Variants in NAV2 observed in about 807,000 individuals in gnomAD.
NAV2 encodes the protein neuron navigator 2.
Under a neutral mutation model 223.2 loss-of-function variants are expected in NAV2, and 54 were observed. The ratio of observed to expected loss-of-function variants is 0.24; its 90% CI spans 0.19 to 0.30. NAV2 has a LOEUF of 0.30. NAV2 is among the 10% of genes least tolerant of loss of function. NAV2 has a pLI of 1.00. For missense variants in NAV2, 2,806 were observed against 3,147.5 expected (o/e 0.89, Z 2.60); for synonymous variants, 1,279 against 1,239.3 (o/e 1.03, Z -0.67).
chr11:19,700,594 G>A (rs2049483575), intron 1 of NAV2, among the ~76,000 whole-genome samples: 1 of 152,216 alleles, frequency 6.6e-6, no homozygotes, highest in Admixed American at 6.5e-5. Flanking sequence ...ACAGAGAAGT[G>A]TGGGGTTGGG....
intron 1 of NAV2, among the ~76,000 whole-genome samples, chr11:19,736,374 G>A (rs943438855): frequency 3.3e-5 from 5 of 152,162 alleles, no homozygotes; most frequent in Non-Finnish European, 4.4e-5. Context: ...CAGGACTGGT[G>A]GGCCAGACAC....
intron 1 of NAV2, among the ~76,000 whole-genome samples, chr11:19,566,773 C>T (rs2045282428): frequency 6.6e-6 from 1 of 152,200 alleles, no homozygotes; most frequent in African/African-American, 2.4e-5. Context: ...CTTACATATG[C>T]TCTGTCCAGC....
intron 1 of NAV2, among the ~76,000 whole-genome samples, chr11:19,781,744 C>A (rs1400292179): frequency 7.0e-6 from 1 of 142,066 alleles, no homozygotes; most frequent in African/African-American, 2.7e-5. Context: ...GTTTAAAAGA[C>A]AAATGCTCCT....
chr11:19,635,919 G>A (rs968112138), intron 1 of NAV2, among the ~76,000 whole-genome samples: 1 of 152,196 alleles, frequency 6.6e-6, no homozygotes, highest in African/African-American at 2.4e-5. Context: ...GGAAGGAAGA[G>A]GGGGGTGTTA....
intron 11 of NAV2, among the ~76,000 whole-genome samples, chr11:20,023,699 G>GGTGGGT (rs1554902315): frequency 1.7e-3 from 250 of 144,676 alleles, no homozygotes; most frequent in African/African-American, 6.2e-3. Context: ...CAAATTGCTG[G>GGTGGGT]GTGTGTGTGT....
intron 3 of NAV2, among the ~76,000 whole-genome samples, chr11:19,849,628 C>G (rs924352379): frequency 2.6e-5 from 4 of 152,214 alleles, no homozygotes; most frequent in African/African-American, 9.6e-5. Context: ...CGGCCACATG[C>G]CTGGGGAGTG....
intron 1 of NAV2, among the ~76,000 whole-genome samples, chr11:19,368,964 CTCTT>C (rs1438905924): frequency 3.3e-5 from 5 of 152,198 alleles, no homozygotes; most frequent in African/African-American, 9.7e-5. Context: ...CACACCATAA[CTCTT>C]TCTTTCTCCA....
chr11:19,584,026 T>C (rs1205813466), intron 1 of NAV2, among the ~76,000 whole-genome samples: 1 of 152,222 alleles, frequency 6.6e-6, no homozygotes, highest in Non-Finnish European at 1.5e-5. Flanking sequence ...TTTTGGTTGG[T>C]AAGCTAGTAA....
chr11:19,907,538 A>G (rs757118462), intron 6 of NAV2, among the ~76,000 whole-genome samples: 3 of 151,962 alleles, frequency 2.0e-5, no homozygotes, highest in Non-Finnish European at 4.4e-5. Flanking sequence ...GGGAGGGGGA[A>G]TTTGAGACAG....
At position 19,686,850 on chromosome 11, in the gene NAV2, G is replaced by C. The variant is rs149877716; in HGVS notation, c.76-145634G>C. ...TCAATTATAACATTTAGTCTTTAAT[G>C]GATACTTCTTAGTTTTTGCCAGGCC... On this transcript the variant is annotated intron_variant, in intron 1 of 37. Transcript: ENST00000360655. Among the ~76,000 whole-genome samples the C allele has an allele frequency of 4.0e-3, 602 of 152,286 alleles. 2 individuals are homozygous for C. The highest frequency in any genetic ancestry group is 6.1e-3 in the Non-Finnish European group (414 of 68,018).
intron 11 of NAV2, among the ~76,000 whole-genome samples, chr11:20,018,599 A>C (rs1459055108): frequency 6.6e-6 from 1 of 152,172 alleles, no homozygotes; most frequent in Non-Finnish European, 1.5e-5. Context: ...GACTGCATGG[A>C]ATAATCAGTT....
rs1234007334 is a variant in NAV2 at position 20,080,358 on chromosome 11, G to GT, written c.5325+154dup. 3 of 691,372 alleles carry GT rather than the reference G, an allele frequency of 4.3e-6. No homozygotes were observed. In the African/African-American group the frequency reaches 5.4e-5, roughly 12 times the overall value. 42.8% of individuals were successfully genotyped at this position (691,372 alleles called of 1,614,324 possible). ...ATCCCAGGAAATGGTTTGTGGATGG[G>GT]TTTTTACTAAAATCAATATTGTACT... is the stretch of plus-strand genomic sequence containing the variant. On this transcript the variant is annotated intron_variant, in intron 25 of 37. Coordinates refer to ENST00000349880, the MANE Select transcript of NAV2 (RefSeq NM_145117.5).
At chr11:19,968,911 C>T (rs2048993029) in intron 10 of NAV2, among the ~76,000 whole-genome samples, 1 of 152,134 alleles carries the variant, frequency 6.6e-6, no homozygotes, top group African/African-American at 2.4e-5. Flanking sequence ...CACCCTGTTC[C>T]CAACCGCCTT....
At chr11:19,910,392 G>C (rs1479021739) in intron 6 of NAV2, among the ~76,000 whole-genome samples, 1 of 152,166 alleles carries the variant, frequency 6.6e-6, no homozygotes, top group African/African-American at 2.4e-5. Context: ...TCAGAGTCAT[G>C]GAAATTCAGA....
rs891926590 is a variant in NAV2 at position 19,884,396 on chromosome 11, T to G, written c.770+4269T>G. ...TTCTCTGTGTCCTGCAAAGCATGGTTTAATCCCAACCCACTGTTCCATTGT... is the reference window on the plus strand; with the variant it reads ...TTCTCTGTGTCCTGCAAAGCATGGTGTAATCCCAACCCACTGTTCCATTGT... On this transcript the variant is annotated intron_variant, in intron 5 of 37. Transcript: ENST00000349880. The G allele has an allele frequency of 2.6e-6, 4 of 1,563,664 alleles. 1 individual carries two copies. Among genetic ancestry groups the G allele is most frequent in the Non-Finnish European group, 3.5e-6 (4 of 1,134,356 alleles).
chr11:19,632,142 G>C (rs372043113), intron 1 of NAV2, among the ~76,000 whole-genome samples: 1 of 152,206 alleles, frequency 6.6e-6, no homozygotes, highest in African/African-American at 2.4e-5. Flanking sequence ...CAGCTGTATT[G>C]GTTGGATTTC....
intron 18 of NAV2, 70 bp downstream of exon 18, chr11:20,054,310 A>T (rs1049623937): frequency 1.4e-6 from 2 of 1,405,334 alleles, no homozygotes; most frequent in Admixed American, 2.9e-5. Flanking sequence ...TATACATAAC[A>T]TATTTTTATT....
At chr11:20,015,982 C>A (rs1396380325) in intron 11 of NAV2, among the ~76,000 whole-genome samples, 1 of 152,176 alleles carries the variant, frequency 6.6e-6, no homozygotes, top group Non-Finnish European at 1.5e-5. Flanking sequence ...TGTCGCTTGG[C>A]AGTTGTATGA....
At chr11:19,684,731 C>T (rs577902237) in intron 1 of NAV2, among the ~76,000 whole-genome samples, 1 of 152,270 alleles carries the variant, frequency 6.6e-6, no homozygotes, top group South Asian at 2.1e-4. Context: ...TCATCCAGTC[C>T]TGAGTCTCAT....
Sources: allele counts gnomAD v4.1 joint callset (sites outside exome capture counted in the v4.1 genomes callset), GRCh38; gene constraint gnomAD v4.1.1; transcripts MANE v1.5; gene names NCBI Gene and HGNC (gene_info 2026-07-23, HGNC 2026-07-21).